Variants in CEP290 observed in about 807,000 individuals in gnomAD.
CEP290 encodes the protein centrosomal protein of 290 kDa.
CEP290 carries 317 observed loss-of-function variants against 344.9 expected under a neutral mutation model. The ratio of observed to expected loss-of-function variants is 0.92; its 90% CI spans 0.84 to 1.01. The LOEUF (loss-of-function observed/expected upper bound fraction) is 1.01, where lower values mean the gene tolerates loss of function less well. Among genes scored for constraint, CEP290 ranks in the 50% least tolerant of loss-of-function variants. The pLI, the probability that CEP290 is intolerant of heterozygous loss-of-function variation, is 0.00. For synonymous variants in CEP290, 932 were observed against 895.8 expected, an observed-to-expected ratio of 1.04 and a Z score of -0.72; for missense variants, 2,754 against 2,761.4, an observed-to-expected ratio of 1.00 and a Z score of 0.06.
intron 37 of CEP290, among the ~76,000 whole-genome samples, 156 bp downstream of exon 37, chr12:88,082,875 A>G (rs1303474340): frequency 3.9e-5 from 6 of 152,120 alleles, no homozygotes; most frequent in Non-Finnish European, 8.8e-5. Flanking sequence ...TAAAATGGGG[A>G]AAATGATAAC....
At position 88,059,010 on chromosome 12, in the gene CEP290, G is replaced by A; in HGVS notation, c.6656C>T (p.Ala2219Val). Residue 2219 changes from alanine (A) to valine (V), a missense_variant, in exon 49 of 54, where the codon GCT becomes GTT. Coordinates refer to ENST00000552810, the MANE Select transcript of CEP290 (RefSeq NM_025114.4). ...LRKELKKETDAAEKLRIAKNN... is the reference protein window; with the variant it reads ...LRKELKKETDVAEKLRIAKNN... ...CTTTGCTATCCGTAATTTCTCTGCA[G>A]CATCAGTTTCCTATCATTAAATGCT... 6.2e-7 allele frequency: 1 copy of A among 1,609,120 alleles called. No homozygotes were observed. The highest frequency in any genetic ancestry group is 8.5e-7 in the Non-Finnish European group (1 of 1,177,690).
intron 27 of CEP290, among the ~76,000 whole-genome samples, chr12:88,096,207 C>A (rs1436530694): frequency 6.6e-6 from 1 of 152,102 alleles, no homozygotes; most frequent in East Asian, 1.9e-4. Context: ...TGCCACCACG[C>A]CTGGCTAATT....
Position 88,050,522 on chromosome 12 carries a change from C to T in CEP290, c.7130-89G>A, listed in dbSNP as rs537081976. The T allele has an allele frequency of 2.2e-4, 134 of 604,268 alleles. No homozygotes were observed. The African/African-American group carries it at 2.4e-3, about 11-fold the overall frequency. The allele number at this position is 604,268 out of a possible 1,614,324, so 37.4% of individuals were successfully genotyped here. A position where few individuals can be genotyped will look rare whatever the true frequency, so the allele number is the denominator to read the frequency against. The stretch of plus-strand genomic sequence containing the variant: ...GGATTTGTTCTAGAGAACAGAGATA[C>T]ATTTTATGAAACCTAGAACCTGGAA... On this transcript the variant is annotated intron_variant, in intron 52 of 53. Transcript: ENST00000552810.
chr12:88,067,457 G>C (rs1419386157), intron 44 of CEP290, among the ~76,000 whole-genome samples: 3 of 152,090 alleles, frequency 2.0e-5, no homozygotes, highest in South Asian at 4.1e-4. Context: ...CTGGACTGAC[G>C]CATCAGTTAC....
intron 29 of CEP290, 108 bp downstream of exon 29, chr12:88,092,573 A>G (rs1293174923): frequency 1.2e-6 from 1 of 855,944 alleles, no homozygotes; most frequent in Non-Finnish European, 1.7e-6. Context: ...ATAAAAAGAA[A>G]TCAGTATCAA....
intron 12 of CEP290, 151 bp downstream of exon 12, chr12:88,126,165 G>T (rs2039716366): frequency 2.0e-6 from 1 of 495,710 alleles, no homozygotes; most frequent in Non-Finnish European, 3.2e-6. Flanking sequence ...ATTGGGACCA[G>T]GTGGTAGAAG....
chr12:88,095,331 T>A (rs2037350590), intron 27 of CEP290, among the ~76,000 whole-genome samples: 1 of 151,994 alleles, frequency 6.6e-6, no homozygotes, highest in Non-Finnish European at 1.5e-5. Flanking sequence ...AAAAAGCTAA[T>A]GATGTGACAT....
chr12:88,109,055 AATACCT>A lies in CEP290; in HGVS notation c.2483+5_2483+10del. 1 of 913,502 alleles carries A rather than the reference AATACCT, an allele frequency of 1.1e-6. No homozygotes were observed. Among genetic ancestry groups the A allele is most frequent in the Non-Finnish European group, 1.6e-6 (1 of 618,950 alleles). 56.6% of individuals were successfully genotyped at this position (913,502 alleles called of 1,614,324 possible). ...CTGCAATTATATTTATAGTTTTGCT[AATACCT>A]ATACCTTAGGTATTCTTTATACAAC... is the stretch of plus-strand genomic sequence containing the variant. On this transcript the variant is annotated splice_donor_5th_base_variant and intron_variant, in intron 23 of 53. Transcript: ENST00000552810.
intron 43 of CEP290, among the ~76,000 whole-genome samples, chr12:88,070,259 T>C (rs1300543613): frequency 6.6e-6 from 1 of 152,156 alleles, no homozygotes; most frequent in Non-Finnish European, 1.5e-5. Context: ...GAAGGCAGAT[T>C]ACAATAGAAT....
At chr12:88,051,692 T>TTTCC (rs1399471459) in intron 52 of CEP290, 7 of 152,284 alleles carry the variant, frequency 4.6e-5, no homozygotes, top group South Asian at 2.1e-4. Context: ...ATTAGAGAAC[T>TTTCC]ATCTATGGCC....
chr12:88,060,112 T>C (rs2034354498), intron 47 of CEP290, 92 bp from the exon 48 acceptor site: 4 of 1,109,096 alleles, frequency 3.6e-6, no homozygotes, highest in Non-Finnish European at 5.0e-6. Flanking sequence ...TCAAAGTAGT[T>C]TTAGAAACCA....
chr12:88,125,571 G>A (rs902485790), intron 12 of CEP290, among the ~76,000 whole-genome samples: 8 of 151,842 alleles, frequency 5.3e-5, no homozygotes, highest in African/African-American at 1.9e-4. Flanking sequence ...CTGAAAGATG[G>A]ATATAATGGC....
chr12:88,105,072 G>A (rs2038178242), intron 25 of CEP290, among the ~76,000 whole-genome samples: 1 of 152,112 alleles, frequency 6.6e-6, no homozygotes, highest in South Asian at 2.1e-4. Flanking sequence ...CCAGTTTTTG[G>A]TATCTAAATG....
chr12:88,094,768 G>A (rs1210191705), intron 27 of CEP290, among the ~76,000 whole-genome samples: 1 of 152,050 alleles, frequency 6.6e-6, no homozygotes, highest in African/African-American at 2.4e-5. Context: ...ACTTAAAACT[G>A]ATGTGTTTAG....
At chr12:88,050,155 A>G in intron 53 of CEP290, 199 bp downstream of exon 53, 1 of 450,702 alleles carries the variant, frequency 2.2e-6, no homozygotes, top group Non-Finnish European at 3.9e-6. Flanking sequence ...TTACTACTTA[A>G]TCCTATGTTG....
At chr12:88,096,260 G>A (rs1297360117) in intron 27 of CEP290, among the ~76,000 whole-genome samples, 1 of 152,040 alleles carries the variant, frequency 6.6e-6, no homozygotes, top group East Asian at 1.9e-4. Context: ...TGTTGGCCAG[G>A]CTGGTCTCGA....
chr12:88,109,664 C>A (rs2038538052), intron 22 of CEP290, among the ~76,000 whole-genome samples: 1 of 152,122 alleles, frequency 6.6e-6, no homozygotes, highest in Non-Finnish European at 1.5e-5. Context: ...ATGGATCCAA[C>A]ATTTGAGTTT....
chr12:88,130,000 T>C (rs534051249), intron 9 of CEP290, 124 bp from the exon 10 acceptor site: 14 of 672,976 alleles, frequency 2.1e-5, no homozygotes, highest in Non-Finnish European at 3.0e-5. Flanking sequence ...TATAGACCTT[T>C]ACTAATTGGC....
chr12:88,090,761 T>C lies in CEP290; in HGVS notation c.3540A>G (p.Val1180=). The C allele has an allele frequency of 6.4e-7, 1 of 1,561,762 alleles. No homozygotes were observed. Among genetic ancestry groups the C allele is most frequent in the Non-Finnish European group, 8.7e-7 (1 of 1,150,726 alleles). ...NAQQQSRDKE[V]ESLRMQLLDY... is the part of the protein sequence containing the mutation. Reference sequence around the variant, plus strand: ...CTAGCAGTTGCATTCTGAGGGACTCTACTTCCTTGTCCCTAGATTGTTGTT... The same window carrying C: ...CTAGCAGTTGCATTCTGAGGGACTCCACTTCCTTGTCCCTAGATTGTTGTT... Residue 1180 remains valine, a synonymous_variant, in exon 30 of 54, where the codon GTA becomes GTG. Coordinates refer to ENST00000552810, the MANE Select transcript of CEP290 (RefSeq NM_025114.4).
Sources: gnomAD v4.1 joint callset for allele counts (sites outside exome capture counted in the v4.1 genomes callset) on GRCh38, gnomAD v4.1.1 for gene constraint, MANE v1.5 for transcripts, NCBI Gene and HGNC (gene_info 2026-07-23, HGNC 2026-07-21) for gene names.